RABGAP1L: variants seen among roughly 807,000 people sequenced by gnomAD.
RABGAP1L encodes the protein RAB GTPase activating protein 1 like.
Under a neutral mutation model 137.7 loss-of-function variants are expected in RABGAP1L, and 63 were observed. That is an observed-to-expected ratio of 0.46 (90% CI 0.37 to 0.56). The LOEUF (loss-of-function observed/expected upper bound fraction) is 0.56, where lower values mean the gene tolerates loss of function less well. Among genes scored for constraint, RABGAP1L ranks in the 20% least tolerant of loss-of-function variants. The pLI, the probability that RABGAP1L is intolerant of heterozygous loss-of-function variation, is 0.00. For missense variants in RABGAP1L, 1,095 were observed against 1,244.0 expected (o/e 0.88, Z 1.80); for synonymous variants, 431 against 433.7 (o/e 0.99, Z 0.08).
At chr1:174,613,477 C>T (rs1330857971) in intron 13 of RABGAP1L, among the ~76,000 whole-genome samples, 1 of 152,042 alleles carries the variant, frequency 6.6e-6, no homozygotes, top group Non-Finnish European at 1.5e-5. Context: ...TTACTTCCAA[C>T]TATGTGGTCA....
chr1:174,673,071 C>T (rs1348393761), intron 14 of RABGAP1L, among the ~76,000 whole-genome samples: 1 of 152,104 alleles, frequency 6.6e-6, no homozygotes, highest in African/African-American at 2.4e-5. Context: ...TACATACACA[C>T]ATAAGAGTGT....
At chr1:174,473,093 G>A (rs1658118941) in intron 13 of RABGAP1L, among the ~76,000 whole-genome samples, 1 of 152,064 alleles carries the variant, frequency 6.6e-6, no homozygotes, top group Non-Finnish European at 1.5e-5. Context: ...GAAGTGTTAG[G>A]AAGAGAAAAA....
At chr1:174,375,733 T>C (rs1204033674) in intron 12 of RABGAP1L, among the ~76,000 whole-genome samples, 2 of 152,054 alleles carry the variant, frequency 1.3e-5, no homozygotes, top group African/African-American at 2.4e-5. Context: ...TAGAGAAAAT[T>C]TGAGGCCAAA....
At chr1:174,355,808 T>C (rs1276639677) in intron 11 of RABGAP1L, among the ~76,000 whole-genome samples, 1 of 152,194 alleles carries the variant, frequency 6.6e-6, no homozygotes, top group East Asian at 1.9e-4. Flanking sequence ...AGATTCAGAA[T>C]GACAGTGATG....
Position 174,877,567 on chromosome 1 carries a change from C to T in RABGAP1L, c.2340+65607C>T, listed in dbSNP as rs372000472. The T allele has an allele frequency of 2.0e-4, 316 of 1,613,728 alleles. 1 individual carries two copies. The highest frequency in any genetic ancestry group is 2.6e-4 in the Non-Finnish European group (301 of 1,180,032). On this transcript the variant is annotated intron_variant, in intron 19 of 25. Coordinates refer to ENST00000681986, the MANE Select transcript of RABGAP1L (RefSeq NM_001366446.1). ...CAGCCAGCTGCACGATGAAGACTTC[C>T]TCACTAGTCTGGTGGCCATCAGCAA...
intron 13 of RABGAP1L, among the ~76,000 whole-genome samples, chr1:174,495,216 A>G (rs1221920466): frequency 6.6e-6 from 1 of 152,178 alleles, no homozygotes; most frequent in Non-Finnish European, 1.5e-5. Context: ...TCATTGTTTC[A>G]GTGTAACTTC....
At chr1:174,643,222 T>G (rs1435147326) in intron 14 of RABGAP1L, among the ~76,000 whole-genome samples, 1 of 152,136 alleles carries the variant, frequency 6.6e-6, no homozygotes, top group East Asian at 1.9e-4. Flanking sequence ...TGTTCCTGGA[T>G]CAGATGGATC....
intron 13 of RABGAP1L, among the ~76,000 whole-genome samples, chr1:174,464,992 C>CA (rs1017606067): frequency 3.9e-5 from 6 of 152,002 alleles, no homozygotes; most frequent in Admixed American, 2.0e-4. Flanking sequence ...TAATGAGCCC[C>CA]AAAATCTTCC....
intron 15 of RABGAP1L, among the ~76,000 whole-genome samples, chr1:174,688,578 G>A (rs748362430): frequency 1.1e-4 from 17 of 151,894 alleles, no homozygotes; most frequent in Non-Finnish European, 2.2e-4. Context: ...TCAAATTTAC[G>A]CACTTGTACA....
Position 174,836,084 on chromosome 1 carries a change from A to G in RABGAP1L, c.2340+24124A>G, listed in dbSNP as rs562958674. On this transcript the variant is annotated intron_variant, in intron 19 of 25. Transcript: ENST00000681986. ...TAAATCATTGAGATTCTGTAATTCA[A>G]CTGCTTCAGCAGCTAGCATATATTA... is the stretch of plus-strand genomic sequence containing the variant. 3.3e-5 allele frequency among the ~76,000 whole-genome samples: 5 copies of G among 152,338 alleles called. No individual in the cohort carries two copies. In the South Asian group the frequency reaches 8.3e-4, roughly 25 times the overall value.
chr1:174,290,007 G>T (rs1196224090), intron 10 of RABGAP1L, among the ~76,000 whole-genome samples: 6 of 152,202 alleles, frequency 3.9e-5, no homozygotes, highest in Non-Finnish European at 8.8e-5. Context: ...CTCCCTGGTT[G>T]GGTGGGATTG....
intron 17 of RABGAP1L, among the ~76,000 whole-genome samples, chr1:174,737,813 A>G (rs1334234560): frequency 6.6e-6 from 1 of 152,204 alleles, no homozygotes; most frequent in Non-Finnish European, 1.5e-5. Flanking sequence ...TCATGGCAGA[A>G]GGTGAAGGAG....
At chr1:174,336,877 G>A in intron 11 of RABGAP1L, among the ~76,000 whole-genome samples, 1 of 143,198 alleles carries the variant, frequency 7.0e-6, no homozygotes, top group Non-Finnish European at 1.5e-5. Flanking sequence ...GTGTGTGTGT[G>A]TGTGTGTGAG....
At chr1:174,830,375 G>T (rs189284235) in intron 19 of RABGAP1L, among the ~76,000 whole-genome samples, 9 of 147,074 alleles carry the variant, frequency 6.1e-5, no homozygotes, top group Non-Finnish European at 3.0e-5. Flanking sequence ...GCTTTTACTC[G>T]TTAATACTTT....
At chr1:174,413,548 T>C (rs1278968576) in intron 13 of RABGAP1L, among the ~76,000 whole-genome samples, 1 of 152,208 alleles carries the variant, frequency 6.6e-6, no homozygotes, top group African/African-American at 2.4e-5. Context: ...ATTCTTGTAC[T>C]GGTTCCTTCT....
At chr1:174,442,909 A>G (rs1488946405) in intron 13 of RABGAP1L, among the ~76,000 whole-genome samples, 2 of 151,906 alleles carry the variant, frequency 1.3e-5, no homozygotes, top group African/African-American at 4.8e-5. Flanking sequence ...CTGCCATTTT[A>G]CTCACTACTT....
At chr1:174,312,270 G>C (rs1678931852) in intron 11 of RABGAP1L, among the ~76,000 whole-genome samples, 2 of 152,076 alleles carry the variant, frequency 1.3e-5, no homozygotes, top group Admixed American at 1.3e-4. Flanking sequence ...CCTGCCTTTT[G>C]GATGTAAGCT....
intron 19 of RABGAP1L, among the ~76,000 whole-genome samples, chr1:174,867,485 C>T (rs1035522301): frequency 1.3e-5 from 2 of 152,020 alleles, no homozygotes; most frequent in Admixed American, 1.3e-4. Context: ...AATTTTAAAA[C>T]TTCTATTTCA....
In RABGAP1L at chr1:174,701,163, A is replaced by T. The variant is rs1206029989; in HGVS notation, c.2026-950A>T. 6.9e-6 allele frequency: 9 copies of T among 1,303,438 alleles called. No homozygotes were observed. The African/African-American group carries it at 1.1e-4, about 15-fold the overall frequency. The allele number at this position is 1,303,438 out of a possible 1,614,324, so 80.7% of individuals were successfully genotyped here. A position where few individuals can be genotyped will look rare whatever the true frequency, so the allele number is the denominator to read the frequency against. ...CAGTTATGGTAATAGCTATGCTAAT[A>T]CTTTGTACCTTGCTGTTCATGCTTT... On this transcript the variant is annotated intron_variant, in intron 16 of 25. Coordinates refer to ENST00000681986, the MANE Select transcript of RABGAP1L (RefSeq NM_001366446.1).
Sources: allele counts gnomAD v4.1 joint callset (sites outside exome capture counted in the v4.1 genomes callset), GRCh38; gene constraint gnomAD v4.1.1; transcripts MANE v1.5; gene names NCBI Gene and HGNC (gene_info 2026-07-23, HGNC 2026-07-21).